Variants in KIF6 observed in about 807,000 individuals in gnomAD.
The protein encoded by KIF6 is kinesin-like protein KIF6.
Under a neutral mutation model 112.7 loss-of-function variants are expected in KIF6, and 106 were observed. The observed-to-expected ratio is 0.94, with a 90% CI of 0.80 to 1.11. The LOEUF (loss-of-function observed/expected upper bound fraction) is 1.11. KIF6 is among the 50% of genes least tolerant of loss of function. The pLI is 0.00. For synonymous variants in KIF6, 339 were observed against 339.9 expected, an observed-to-expected ratio of 1.00 and a Z score of 0.03; for missense variants, 929 against 964.0, an observed-to-expected ratio of 0.96 and a Z score of 0.48.
intron 3 of KIF6, among the ~76,000 whole-genome samples, chr6:39,651,169 G>C (rs1582369578): frequency 6.6e-6 from 1 of 152,224 alleles, no homozygotes; most frequent in African/African-American, 2.4e-5. Flanking sequence ...GAGAGGCCAA[G>C]TGAGAAAACT....
chr6:39,533,284 C>T (rs556074991), intron 13 of KIF6, among the ~76,000 whole-genome samples: 57 of 152,242 alleles, frequency 3.7e-4, no homozygotes, highest in African/African-American at 1.3e-3. Flanking sequence ...AGATGGCACC[C>T]GGAAAATCGG....
chr6:39,562,522 G>A (rs974998099), intron 10 of KIF6, among the ~76,000 whole-genome samples: 1 of 152,172 alleles, frequency 6.6e-6, no homozygotes, highest in African/African-American at 2.4e-5. Flanking sequence ...CTTGCATTTT[G>A]CCACATAAAC....
Position 39,670,239 on chromosome 6 carries a change from T to A in KIF6, c.252-30482A>T, listed in dbSNP as rs148396534. On this transcript the variant is annotated intron_variant, in intron 3 of 22. Transcript: ENST00000287152. ...TTGTTAATATGATGACACTTCATCA[T>A]AATGCTGTTTTAGACTACAGATATT... 2.4e-3 allele frequency among the ~76,000 whole-genome samples: 364 copies of A among 152,338 alleles called. 1 individual carries two copies. The highest frequency in any genetic ancestry group is 4.4e-3 in the Non-Finnish European group (301 of 68,026).
In KIF6 at chr6:39,417,881, AAC is replaced by A. The variant is rs982591107; in HGVS notation, c.1810+2065_1810+2066del. Among the ~76,000 whole-genome samples the A allele has an allele frequency of 6.3e-4, 96 of 152,298 alleles. 1 individual carries two copies. The highest frequency in any genetic ancestry group is 2.2e-3 in the African/African-American group (92 of 41,558). On this transcript the variant is annotated intron_variant, in intron 15 of 22. Coordinates refer to ENST00000287152, the MANE Select transcript of KIF6 (RefSeq NM_145027.6). ...AAGTTTATATTATTTCTTAGGGAGA[AAC>A]AGTTTATAAAAGGTCTTCTCTCTTA...
At chr6:39,481,101 A>G (rs1774767988) in intron 13 of KIF6, among the ~76,000 whole-genome samples, 1 of 152,078 alleles carries the variant, frequency 6.6e-6, no homozygotes, top group Non-Finnish European at 1.5e-5. Flanking sequence ...AAGTGAGAAA[A>G]CCAAGGTCCA....
rs558788089 is a variant in KIF6, at chr6:39,530,507, CA to C, written c.1645+9495del. On this transcript the variant is annotated intron_variant, in intron 13 of 22. Coordinates refer to ENST00000287152, the MANE Select transcript of KIF6 (RefSeq NM_145027.6). ...ATCTCTCTCATTATTTCAATGAAAC[CA>C]AAACAGACATTTAAACTCCAAAACA... is the stretch of plus-strand genomic sequence containing the variant. 4.7e-3 allele frequency among the ~76,000 whole-genome samples: 716 copies of C among 152,250 alleles called. 3 individuals are homozygous for C. Among genetic ancestry groups the C allele is most frequent in the Non-Finnish European group, 7.4e-3 (500 of 68,004 alleles).
chr6:39,702,161 G>T (rs964928482), intron 3 of KIF6, among the ~76,000 whole-genome samples: 3 of 151,996 alleles, frequency 2.0e-5, no homozygotes, highest in Admixed American at 1.3e-4. Context: ...TCATCTCCTT[G>T]TCCATAGTGA....
intron 2 of KIF6, 128 bp from the exon 3 acceptor site, chr6:39,714,894 C>T (rs1561954798): frequency 1.5e-6 from 1 of 660,116 alleles, no homozygotes; most frequent in Admixed American, 2.5e-5. Context: ...CCTAACTTAG[C>T]ACAATGTTTG....
chr6:39,416,288 C>T (rs981094914), intron 15 of KIF6, among the ~76,000 whole-genome samples: 7 of 152,356 alleles, frequency 4.6e-5, no homozygotes, highest in African/African-American at 1.7e-4. Context: ...GCTTATGCCA[C>T]TGCCTCTAAA....
chr6:39,677,718 T>C (rs1390301209), intron 3 of KIF6, among the ~76,000 whole-genome samples: 1 of 114,864 alleles, frequency 8.7e-6, no homozygotes, highest in African/African-American at 3.4e-5. Flanking sequence ...GAGTGTGATA[T>C]TCCCCTTCCT....
intron 5 of KIF6, among the ~76,000 whole-genome samples, chr6:39,628,306 G>A (rs1418179338): frequency 6.6e-6 from 1 of 151,806 alleles, no homozygotes; most frequent in Non-Finnish European, 1.5e-5. Flanking sequence ...AGTTTTGCTT[G>A]TATTCACTTG....
chr6:39,408,257 G>A (rs1252712520), intron 15 of KIF6, among the ~76,000 whole-genome samples: 1 of 152,210 alleles, frequency 6.6e-6, no homozygotes, highest in African/African-American at 2.4e-5. Context: ...AATGAGTACT[G>A]TCACACACTG....
chr6:39,368,691 C>A (rs1028459127), intron 16 of KIF6, among the ~76,000 whole-genome samples: 5 of 152,178 alleles, frequency 3.3e-5, no homozygotes, highest in Admixed American at 6.5e-5. Flanking sequence ...GTGTGAGGAG[C>A]TATATACCCA....
Position 39,334,968 on chromosome 6 carries a change from TG to T in KIF6, c.*1563del, listed in dbSNP as rs1562099705. 1 of 152,120 alleles carries T rather than the reference TG, an allele frequency of 6.6e-6. No individual in the cohort carries two copies. Among genetic ancestry groups the T allele is most frequent in the South Asian group, 2.1e-4 (1 of 4,816 alleles). 9.4% of individuals were successfully genotyped at this position (152,120 alleles called of 1,614,324 possible). A position where few individuals can be genotyped will look rare whatever the true frequency, so the allele number is the denominator to read the frequency against. On this transcript the variant is annotated 3_prime_UTR_variant, in exon 23 of 23. Coordinates refer to ENST00000287152, the MANE Select transcript of KIF6 (RefSeq NM_145027.6). ...GTCCCGATGGGATTCAGTCAGAGCC[TG>T]GGGGAAGTCAGAGTGACACCAGCCT...
chr6:39,361,313 CTT>C (rs1581672893), intron 17 of KIF6, among the ~76,000 whole-genome samples: 1 of 151,980 alleles, frequency 6.6e-6, no homozygotes, highest in East Asian at 1.9e-4. Context: ...AATCCCAGCA[CTT>C]TGGGAGGCTG....
At chr6:39,649,977 T>G (rs1255102695) in intron 3 of KIF6, among the ~76,000 whole-genome samples, 3 of 152,170 alleles carry the variant, frequency 2.0e-5, no homozygotes, top group Non-Finnish European at 4.4e-5. Context: ...CTCTTGGATA[T>G]CTCACAAAAC....
intron 13 of KIF6, among the ~76,000 whole-genome samples, chr6:39,467,289 G>A (rs1773850987): frequency 6.6e-6 from 1 of 152,162 alleles, no homozygotes; most frequent in East Asian, 1.9e-4. Context: ...GTTAATAAGA[G>A]CCTTTCCTGG....
chr6:39,549,696 C>T (rs1270358831), intron 10 of KIF6, among the ~76,000 whole-genome samples: 1 of 152,056 alleles, frequency 6.6e-6, no homozygotes, highest in Non-Finnish European at 1.5e-5. Context: ...TTAGCAAGGC[C>T]ACGGACCCCC....
In KIF6 at chr6:39,335,220, C is replaced by G. The variant is rs917850083; in HGVS notation, c.*1312G>C. 6.6e-6 allele frequency: 1 copy of G among 152,030 alleles called. No homozygotes were observed. The highest frequency in any genetic ancestry group is 2.4e-5 in the African/African-American group (1 of 41,388). 9.4% of individuals were successfully genotyped at this position (152,030 alleles called of 1,614,324 possible). ...AAAATGGTAATGGGATAGGGGATAA[C>G]TAGGGGGTGACTCGAGATGGAGTGG... is the stretch of plus-strand genomic sequence containing the variant. On this transcript the variant is annotated 3_prime_UTR_variant, in exon 23 of 23. Transcript: ENST00000287152.
Sources: allele counts gnomAD v4.1 joint callset (sites outside exome capture counted in the v4.1 genomes callset), GRCh38; gene constraint gnomAD v4.1.1; transcripts MANE v1.5; gene names NCBI Gene and HGNC (gene_info 2026-07-23, HGNC 2026-07-21).